MDGA2: variants seen among roughly 807,000 people sequenced by gnomAD.
MDGA2 encodes the protein MAM domain containing glycosylphosphatidylinositol anchor 2.
In MDGA2, 40 loss-of-function variants were observed where a neutral mutation model predicts 117.8. The observed-to-expected ratio is 0.34, with a 90% CI of 0.26 to 0.44. The LOEUF is 0.44. Ranked by LOEUF, MDGA2 falls within the 20% of genes least tolerant of loss-of-function variation. The probability of loss-of-function intolerance (pLI) is 1.00; values close to 1 mark genes in which losing one functional copy is unlikely to be tolerated. For synonymous variants in MDGA2, 452 were observed against 439.0 expected, an observed-to-expected ratio of 1.03 and a Z score of -0.37; for missense variants, 1,123 against 1,250.6, an observed-to-expected ratio of 0.90 and a Z score of 1.54.
chr14:46,882,160 T>G lies in MDGA2; in HGVS notation c.2300A>C (p.Glu767Ala). ...CTCTGTCAAGTTATATGTAATTAATTCTCCCTTTTGAATATTCCCATTTAT... is the reference window on the plus strand; with the variant it reads ...CTCTGTCAAGTTATATGTAATTAATGCTCCCTTTTGAATATTCCCATTTAT... Reference protein sequence around the residue: ...IKINGNIQKGELITYNLTELI... With the variant: ...IKINGNIQKGALITYNLTELI... The change falls in exon 11 of 17, where the codon GAA becomes GCA. Residue 767 changes from glutamate (E) to alanine (A), a missense_variant. Glu to Ala is a moderately radical substitution (Grantham distance 107). Around this residue, in one of 2 missense-constraint regions of MDGA2, gnomAD observed 890 missense variants for 1,050.3 expected, o/e 0.85. Transcript: ENST00000399232. 1.4e-5 allele frequency: 22 copies of G among 1,612,790 alleles called. No individual in the cohort carries two copies. Among genetic ancestry groups the G allele is most frequent in the Non-Finnish European group, 1.9e-5 (22 of 1,179,190 alleles).
chr14:47,512,109 T>A (rs1422139765), intron 1 of MDGA2, among the ~76,000 whole-genome samples: 1 of 152,192 alleles, frequency 6.6e-6, no homozygotes, highest in African/African-American at 2.4e-5. Context: ...TGAGAATTAC[T>A]GAAAACTGCC....
At chr14:47,195,750 T>G (rs1236074067) in intron 3 of MDGA2, among the ~76,000 whole-genome samples, 1 of 152,084 alleles carries the variant, frequency 6.6e-6, no homozygotes, top group Non-Finnish European at 1.5e-5. Flanking sequence ...AATTTATAAA[T>G]AGATTACATA....
intron 2 of MDGA2, among the ~76,000 whole-genome samples, chr14:47,300,118 G>A (rs544997104): frequency 9.9e-5 from 15 of 152,178 alleles, no homozygotes; most frequent in Non-Finnish European, 1.8e-4. Flanking sequence ...GGATCCGTCA[G>A]TAAGAGTTAA....
At chr14:46,856,713 G>A (rs1881281335) in intron 14 of MDGA2, among the ~76,000 whole-genome samples, 2 of 151,818 alleles carry the variant, frequency 1.3e-5, no homozygotes, top group South Asian at 2.1e-4. Flanking sequence ...CTGTTGGTTT[G>A]CATTTCTTTC....
At chr14:47,018,149 T>A (rs530076822) in intron 8 of MDGA2, among the ~76,000 whole-genome samples, 1 of 152,102 alleles carries the variant, frequency 6.6e-6, no homozygotes, top group Non-Finnish European at 1.5e-5. Context: ...AATTGACTTT[T>A]TTTTTCCCCC....
intron 8 of MDGA2, among the ~76,000 whole-genome samples, chr14:46,998,054 C>A (rs1472401711): frequency 1.3e-5 from 2 of 151,472 alleles, no homozygotes; most frequent in South Asian, 4.2e-4. Context: ...GACATTTAGA[C>A]AAAGAAATAG....
At chr14:47,027,782 G>T (rs904983407) in intron 8 of MDGA2, among the ~76,000 whole-genome samples, 3 of 151,786 alleles carry the variant, frequency 2.0e-5, no homozygotes, top group Non-Finnish European at 4.4e-5. Context: ...CAAGGAAAAC[G>T]CCCAGAATGT....
At chr14:47,629,618 CTGTT>C (rs1897217125) in intron 1 of MDGA2, among the ~76,000 whole-genome samples, 1 of 152,284 alleles carries the variant, frequency 6.6e-6, no homozygotes, top group South Asian at 2.1e-4. Flanking sequence ...GGAGATACAA[CTGTT>C]TGTTATTAAA....
intron 8 of MDGA2, among the ~76,000 whole-genome samples, chr14:46,973,958 C>T (rs546388612): frequency 6.6e-6 from 1 of 150,748 alleles, no homozygotes; most frequent in Non-Finnish European, 1.5e-5. Flanking sequence ...ACTGCAGCCT[C>T]TGACTCCTGG....
At chr14:47,515,403 C>T (rs908637106) in intron 1 of MDGA2, among the ~76,000 whole-genome samples, 4 of 152,284 alleles carry the variant, frequency 2.6e-5, no homozygotes, top group South Asian at 4.1e-4. Flanking sequence ...AAGCTTGTGT[C>T]GCATGTTGAC....
At chr14:46,858,434 T>C (rs1179608111) in intron 14 of MDGA2, among the ~76,000 whole-genome samples, 4 of 145,372 alleles carry the variant, frequency 2.8e-5, no homozygotes, top group Admixed American at 6.8e-5. Flanking sequence ...TTTTCTTTTT[T>C]TTTTTTTTTT....
intron 1 of MDGA2, among the ~76,000 whole-genome samples, chr14:47,500,182 C>T (rs142223953): frequency 9.9e-5 from 15 of 152,236 alleles, no homozygotes; most frequent in African/African-American, 3.4e-4. Flanking sequence ...TCCTCATCTG[C>T]TCCTGTTGAC....
At chr14:47,387,300 G>A (rs561279047) in intron 1 of MDGA2, among the ~76,000 whole-genome samples, 15 of 152,082 alleles carry the variant, frequency 9.9e-5, no homozygotes, top group Non-Finnish European at 2.1e-4. Context: ...TTGGTACCAC[G>A]GTTGGGTTAT....
intron 8 of MDGA2, among the ~76,000 whole-genome samples, chr14:46,993,307 GTTA>G (rs1887163391): frequency 6.6e-6 from 1 of 151,920 alleles, no homozygotes; most frequent in African/African-American, 2.4e-5. Flanking sequence ...TTCCAGAAAG[GTTA>G]TTTACTTCCT....
At chr14:47,530,794 T>G (rs545744399) in intron 1 of MDGA2, among the ~76,000 whole-genome samples, 1 of 152,172 alleles carries the variant, frequency 6.6e-6, no homozygotes. Context: ...ACATTTTCAC[T>G]TGAATTTTTT....
chr14:47,269,895 C>T (rs947708977), intron 2 of MDGA2, among the ~76,000 whole-genome samples: 1 of 152,104 alleles, frequency 6.6e-6, no homozygotes, highest in Non-Finnish European at 1.5e-5. Flanking sequence ...TGGAAAAACA[C>T]CAATATTTTT....
intron 1 of MDGA2, among the ~76,000 whole-genome samples, chr14:47,501,308 G>A (rs914194373): frequency 1.3e-5 from 2 of 152,094 alleles, no homozygotes; most frequent in African/African-American, 4.8e-5. Context: ...ATGAGATAGA[G>A]TCCTTTACAG....
At chr14:47,250,197 T>C (rs1323741696) in intron 2 of MDGA2, among the ~76,000 whole-genome samples, 1 of 152,210 alleles carries the variant, frequency 6.6e-6, no homozygotes. Context: ...GAGCCATCTA[T>C]CAGAATACTT....
At position 47,035,445 on chromosome 14, in the gene MDGA2, G is replaced by C. The variant is rs1888811422; in HGVS notation, c.1526-141C>G. ...ATGATCAAAAACCTTGGGAATAAAT[G>C]GAATATACTCTCACTGAAAATCATT... On this transcript the variant is annotated intron_variant, in intron 7 of 16. Transcript: ENST00000399232. 7.7e-6 allele frequency: 5 copies of C among 646,922 alleles called. No individual in the cohort carries two copies. The South Asian group carries it at 8.1e-5, about 10-fold the overall frequency. 40.1% of individuals were successfully genotyped at this position (646,922 alleles called of 1,614,324 possible).
Sources: allele counts gnomAD v4.1 joint callset (sites outside exome capture counted in the v4.1 genomes callset), GRCh38; gene constraint gnomAD v4.1.1; regional missense constraint gnomAD v4.1.1; transcripts MANE v1.5; gene names NCBI Gene and HGNC (gene_info 2026-07-23, HGNC 2026-07-21).